Variants in ANAPC1 observed in about 807,000 individuals in gnomAD.
ANAPC1 encodes the protein anaphase promoting complex subunit 1.
In ANAPC1, 36 loss-of-function variants were observed where a neutral mutation model predicts 208.0. The observed-to-expected ratio is 0.17, with a 90% CI of 0.13 to 0.23. The LOEUF is 0.23. Ranked by LOEUF, ANAPC1 falls within the 10% of genes least tolerant of loss-of-function variation. The pLI is 1.00. For synonymous variants in ANAPC1, 378 were observed against 695.2 expected (o/e 0.54, Z 7.18); for missense variants, 942 against 2,011.6 (o/e 0.47, Z 10.17).
At chr2:111,860,495 C>T (rs948036648) in intron 10 of ANAPC1, among the ~76,000 whole-genome samples, 1 of 141,446 alleles carries the variant, frequency 7.1e-6, no homozygotes, top group Non-Finnish European at 1.5e-5. Flanking sequence ...TTTTTCTACC[C>T]CACTTTCCCC....
At chr2:111,839,692 T>C (rs1489065507) in intron 17 of ANAPC1, among the ~76,000 whole-genome samples, 1 of 152,138 alleles carries the variant, frequency 6.6e-6, no homozygotes, top group Non-Finnish European at 1.5e-5. Context: ...AACAGTGAAA[T>C]CAAAGCAACA....
intron 1 of ANAPC1, 124 bp from the exon 2 acceptor site, chr2:111,880,973 A>G (rs1384714590): frequency 1.2e-5 from 11 of 894,630 alleles, no homozygotes; most frequent in Non-Finnish European, 1.3e-5. Context: ...TGGTAAGTAT[A>G]TAAGTTGGTC....
In ANAPC1 at chr2:111,777,123, T is replaced by C. The variant is rs1677034058; in HGVS notation, c.5386-66A>G. 2.2e-5 allele frequency: 12 copies of C among 536,576 alleles called. No individual in the cohort carries two copies. In the South Asian group the frequency reaches 2.4e-4, roughly 11 times the overall value. 33.2% of individuals were successfully genotyped at this position (536,576 alleles called of 1,614,324 possible). A position where few individuals can be genotyped will look rare whatever the true frequency, so the allele number is the denominator to read the frequency against. ...GTGCTCTGTCTCTTCATCAGAGTTG[T>C]AGACTGAGTATTTTTTAAATGTGGC... On this transcript the variant is annotated intron_variant, in intron 45 of 47. Coordinates refer to ENST00000341068, the MANE Select transcript of ANAPC1 (RefSeq NM_022662.4).
chr2:111,777,337 C>T (rs1677045743), intron 45 of ANAPC1, among the ~76,000 whole-genome samples: 1 of 152,066 alleles, frequency 6.6e-6, no homozygotes, highest in South Asian at 2.1e-4. Context: ...ATAACCAAGA[C>T]CCAAAAGGTC....
intron 9 of ANAPC1, among the ~76,000 whole-genome samples, chr2:111,862,889 C>T (rs1386137588): frequency 2.0e-5 from 3 of 152,080 alleles, no homozygotes; most frequent in Non-Finnish European, 4.4e-5. Flanking sequence ...AAGCTCTAAA[C>T]TATGTCCCTG....
chr2:111,785,657 A>G (rs1243104869), intron 39 of ANAPC1, among the ~76,000 whole-genome samples, 180 bp from the exon 40 acceptor site: 1 of 151,986 alleles, frequency 6.6e-6, no homozygotes, highest in Non-Finnish European at 1.5e-5. Flanking sequence ...TCTTTTAAAA[A>G]TTTTATATAA....
chr2:111,846,587 T>TG (rs1681098373), intron 16 of ANAPC1, among the ~76,000 whole-genome samples: 1 of 109,806 alleles, frequency 9.1e-6, no homozygotes, highest in Non-Finnish European at 1.8e-5. Flanking sequence ...TTTTTTTTTT[T>TG]GAGACAGAGT....
intron 42 of ANAPC1, among the ~76,000 whole-genome samples, chr2:111,783,467 T>C (rs1463980682): frequency 1.3e-5 from 2 of 151,660 alleles, no homozygotes; most frequent in East Asian, 3.9e-4. Context: ...CCTTCTGCCA[T>C]GACTGTAAGT....
At chr2:111,882,838 A>G (rs936974452) in intron 1 of ANAPC1, among the ~76,000 whole-genome samples, 5 of 151,998 alleles carry the variant, frequency 3.3e-5, no homozygotes, top group African/African-American at 4.8e-5. Flanking sequence ...GTACTGGGAC[A>G]CTTGAACTTG....
chr2:111,772,626 C>G (rs1376190227), intron 46 of ANAPC1, 151 bp from the exon 47 acceptor site: 3 of 519,754 alleles, frequency 5.8e-6, no homozygotes, highest in East Asian at 6.7e-5. Context: ...CTCTGACAAG[C>G]TAGACTGAGT....
At chr2:111,868,460 T>C (rs1482602649) in intron 6 of ANAPC1, among the ~76,000 whole-genome samples, 3 of 152,216 alleles carry the variant, frequency 2.0e-5, no homozygotes, top group Non-Finnish European at 2.9e-5. Context: ...AAGAAATTTA[T>C]TCTCCCATAT....
chr2:111,866,889 A>G (rs1682454157), intron 7 of ANAPC1, among the ~76,000 whole-genome samples: 3 of 152,194 alleles, frequency 2.0e-5, no homozygotes, highest in African/African-American at 7.2e-5. Flanking sequence ...ACAACATAAA[A>G]TTTGAACTTT....
At chr2:111,843,300 C>A in intron 17 of ANAPC1, 112 bp downstream of exon 17, 2 of 998,038 alleles carry the variant, frequency 2.0e-6, no homozygotes, top group Non-Finnish European at 3.0e-6. Context: ...TAATATTATT[C>A]TATTATTTTG....
intron 9 of ANAPC1, among the ~76,000 whole-genome samples, chr2:111,862,998 T>C (rs1203331529): frequency 1.3e-5 from 2 of 148,998 alleles, no homozygotes; most frequent in Non-Finnish European, 3.0e-5. Flanking sequence ...GAGAAATAGA[T>C]ACATTTACAT....
chr2:111,868,797 T>C (rs1682576853), intron 6 of ANAPC1, among the ~76,000 whole-genome samples: 1 of 152,072 alleles, frequency 6.6e-6, no homozygotes, highest in African/African-American at 2.4e-5. Context: ...CCTCCCAGAG[T>C]GCTGGGATTA....
intron 6 of ANAPC1, among the ~76,000 whole-genome samples, chr2:111,869,840 G>A (rs1682645075): frequency 6.6e-6 from 1 of 152,192 alleles, no homozygotes; most frequent in East Asian, 1.9e-4. Flanking sequence ...TATGCAATAT[G>A]TAGTTTGTTT....
intron 46 of ANAPC1, among the ~76,000 whole-genome samples, chr2:111,773,563 G>A: frequency 6.6e-6 from 1 of 152,112 alleles, no homozygotes; most frequent in East Asian, 1.9e-4. Flanking sequence ...CAGAAAAAAG[G>A]TAGAGAGCAT....
chr2:111,788,913 C>T (rs1428608739), intron 38 of ANAPC1, among the ~76,000 whole-genome samples: 6 of 151,844 alleles, frequency 4.0e-5, no homozygotes, highest in East Asian at 3.9e-4. Context: ...CCGAGGCGGG[C>T]GGATCACGAG....
At chr2:111,833,841 G>A (rs978715352) in intron 19 of ANAPC1, among the ~76,000 whole-genome samples, 1 of 152,058 alleles carries the variant, frequency 6.6e-6, no homozygotes, top group Non-Finnish European at 1.5e-5. Flanking sequence ...CCATGTCTCA[G>A]GATTGAATTT....
Sources: gnomAD v4.1 joint callset for allele counts (sites outside exome capture counted in the v4.1 genomes callset) on GRCh38, gnomAD v4.1.1 for gene constraint, MANE v1.5 for transcripts, NCBI Gene and HGNC (gene_info 2026-07-23, HGNC 2026-07-21) for gene names.